Variants in TBCK observed in about 807,000 individuals in gnomAD.
The protein encoded by TBCK is TBC1 domain containing kinase.
A neutral mutation model predicts 113.4 loss-of-function variants in TBCK; 99 were observed. The ratio of observed to expected loss-of-function variants is 0.87; its 90% CI spans 0.74 to 1.03. The LOEUF is 1.03. TBCK is among the 50% of genes least tolerant of loss of function. The pLI, the probability that TBCK is intolerant of heterozygous loss-of-function variation, is 0.00. For synonymous variants in TBCK, 369 were observed against 370.8 expected, an observed-to-expected ratio of 1.00 and a Z score of 0.05; for missense variants, 1,045 against 1,061.3, an observed-to-expected ratio of 0.98 and a Z score of 0.21.
At chr4:106,300,279 G>A (rs1273578822) in intron 2 of TBCK, among the ~76,000 whole-genome samples, 1 of 152,290 alleles carries the variant, frequency 6.6e-6, no homozygotes, top group Non-Finnish European at 1.5e-5. Context: ...TTTATCAGCA[G>A]TGTGAAAACA....
intron 22 of TBCK, among the ~76,000 whole-genome samples, chr4:106,191,275 A>G (rs1311142149): frequency 6.6e-6 from 1 of 152,120 alleles, no homozygotes; most frequent in African/African-American, 2.4e-5. Context: ...AATCTGGGGG[A>G]GTCCTGAAAC....
intron 25 of TBCK, among the ~76,000 whole-genome samples, chr4:106,080,071 G>C (rs184738196): frequency 6.6e-6 from 1 of 152,134 alleles, no homozygotes; most frequent in African/African-American, 2.4e-5. Context: ...AAACCATATT[G>C]GGAAGAGTTA....
chr4:106,123,790 C>T (rs1744775716), intron 23 of TBCK, among the ~76,000 whole-genome samples: 1 of 149,760 alleles, frequency 6.7e-6, no homozygotes, highest in Admixed American at 6.6e-5. Flanking sequence ...GGAAAACTGG[C>T]TAGCCATATG....
chr4:106,299,589 C>T (rs1468162770), intron 2 of TBCK, among the ~76,000 whole-genome samples: 2 of 152,144 alleles, frequency 1.3e-5, no homozygotes, highest in African/African-American at 4.8e-5. Context: ...CTCAGCAGAA[C>T]ATCAAAGTTT....
intron 24 of TBCK, among the ~76,000 whole-genome samples, chr4:106,108,354 C>T (rs989236995): frequency 3.3e-5 from 5 of 152,112 alleles, no homozygotes; most frequent in African/African-American, 1.2e-4. Flanking sequence ...TGCAAAAATC[C>T]TCAATGAAAT....
At chr4:106,275,257 T>C (rs1270706972) in intron 3 of TBCK, among the ~76,000 whole-genome samples, 1 of 152,132 alleles carries the variant, frequency 6.6e-6, no homozygotes, top group Non-Finnish European at 1.5e-5. Context: ...CTTAGCCAAT[T>C]AGAAATATAA....
intron 22 of TBCK, among the ~76,000 whole-genome samples, chr4:106,179,611 ATT>A (rs1187861646): frequency 6.6e-6 from 1 of 152,076 alleles, no homozygotes; most frequent in Non-Finnish European, 1.5e-5. Flanking sequence ...CTAAAAATAA[ATT>A]TGATATAATT....
At chr4:106,224,237 T>C (rs1757996642) in intron 19 of TBCK, among the ~76,000 whole-genome samples, 1 of 151,972 alleles carries the variant, frequency 6.6e-6, no homozygotes, top group African/African-American at 2.4e-5. Flanking sequence ...TTTTAGAGTC[T>C]CATGAGTGTA....
intron 5 of TBCK, among the ~76,000 whole-genome samples, chr4:106,257,339 T>G (rs1253931250): frequency 6.6e-6 from 1 of 152,178 alleles, no homozygotes; most frequent in East Asian, 1.9e-4. Flanking sequence ...ATAAGTATAA[T>G]CAAAATGTAT....
At chr4:106,182,436 T>A (rs541671656) in intron 22 of TBCK, 1 of 152,264 alleles carries the variant, frequency 6.6e-6, no homozygotes, top group South Asian at 2.1e-4. Context: ...AGGGCATCCT[T>A]GTCCTGTGCC....
rs569211028 is a variant in TBCK at position 106,167,407 on chromosome 4, T to C, written c.2235+3688A>G. 1.5e-4 allele frequency among the ~76,000 whole-genome samples: 23 copies of C among 151,238 alleles called. No individual in the cohort carries two copies. In the South Asian group the frequency reaches 3.7e-3, roughly 25 times the overall value. On this transcript the variant is annotated intron_variant, in intron 23 of 25. Coordinates refer to ENST00000394708, the MANE Select transcript of TBCK (RefSeq NM_001163435.3). ...CAATGCTCAGAGGAAAATGTACAGC[T>C]TTGAATGTATATATTAGAAATAAGG...
At chr4:106,181,981 T>C (rs1292273059) in intron 22 of TBCK, among the ~76,000 whole-genome samples, 1 of 152,210 alleles carries the variant, frequency 6.6e-6, no homozygotes, top group African/African-American at 2.4e-5. Context: ...TTCACAATAT[T>C]GATTCTTCCT....
intron 12 of TBCK, among the ~76,000 whole-genome samples, chr4:106,238,324 C>G (rs1579353500): frequency 6.6e-6 from 1 of 151,942 alleles, no homozygotes. Flanking sequence ...TTATGGCAGA[C>G]AAGAGATTCT....
intron 23 of TBCK, among the ~76,000 whole-genome samples, chr4:106,127,654 TGTGTGTGTGTGC>T (rs1431265334): frequency 6.6e-6 from 1 of 152,018 alleles, no homozygotes; most frequent in Non-Finnish European, 1.5e-5. Flanking sequence ...GGTGTGTTCA[TGTGTGTGTGTGC>T]ATGTTTGTGT....
At chr4:106,197,687 A>C (rs1008991231) in intron 20 of TBCK, among the ~76,000 whole-genome samples, 2 of 151,976 alleles carry the variant, frequency 1.3e-5, no homozygotes, top group East Asian at 3.9e-4. Context: ...AAACCTTAAA[A>C]GCAAGCCTTG....
rs192923248 is a variant in TBCK, at chr4:106,113,116, C to T, written c.2411+3087G>A. Among the ~76,000 whole-genome samples, 11 of 152,306 alleles carry T rather than the reference C, an allele frequency of 7.2e-5. No individual in the cohort carries two copies. The East Asian group carries it at 1.5e-3, about 21-fold the overall frequency. ...GTCCACCCGATATGTCATTAAACAT[C>T]GTCTTTTAACTTTTGCATTTATGGG... On this transcript the variant is annotated intron_variant, in intron 24 of 25. Coordinates refer to ENST00000394708, the MANE Select transcript of TBCK (RefSeq NM_001163435.3).
chr4:106,309,984 T>C (rs1768018576), intron 1 of TBCK: 2 of 152,208 alleles, frequency 1.3e-5, no homozygotes, highest in South Asian at 2.1e-4. Context: ...AGTAGGAAAC[T>C]TGCTCCATAT....
intron 22 of TBCK, among the ~76,000 whole-genome samples, chr4:106,175,501 T>A (rs1751565536): frequency 6.6e-6 from 1 of 151,922 alleles, no homozygotes. Context: ...TTCCAGATAA[T>A]TCTCTGATCT....
intron 25 of TBCK, among the ~76,000 whole-genome samples, chr4:106,084,431 G>T (rs1274475425): frequency 4.6e-5 from 7 of 152,102 alleles, no homozygotes; most frequent in African/African-American, 9.7e-5. Flanking sequence ...AGAAATATGG[G>T]ACTTAATAAA....
Sources: allele counts gnomAD v4.1 joint callset (sites outside exome capture counted in the v4.1 genomes callset), GRCh38; gene constraint gnomAD v4.1.1; transcripts MANE v1.5; gene names NCBI Gene and HGNC (gene_info 2026-07-23, HGNC 2026-07-21).